DDI2: variants seen among roughly 807,000 people sequenced by gnomAD.
The protein encoded by DDI2 is DDI proteasomal shuttling factor 2, also known as protein DDI1 homolog 2.
Under a neutral mutation model 48.1 loss-of-function variants are expected in DDI2, and 5 were observed. The ratio of observed to expected loss-of-function variants is 0.10; its 90% CI spans 0.05 to 0.22. DDI2 has a LOEUF of 0.22. Ranked by LOEUF, DDI2 falls within the 10% of genes least tolerant of loss-of-function variation. The pLI, the probability that DDI2 is intolerant of heterozygous loss-of-function variation, is 1.00. For synonymous variants in DDI2, 205 were observed against 183.6 expected (o/e 1.12, Z -0.94); for missense variants, 285 against 506.2 (o/e 0.56, Z 4.19).
At chr1:15,624,261 A>G (rs760577056) in intron 1 of DDI2, among the ~76,000 whole-genome samples, 1 of 152,074 alleles carries the variant, frequency 6.6e-6, no homozygotes, top group African/African-American at 2.4e-5. Context: ...CTTGTTGCAC[A>G]CCTCAACCTG....
rs749651325 is a variant in DDI2 at position 15,633,483 on chromosome 1, C to T, written c.550C>T (p.Arg184Trp). 3.7e-6 allele frequency: 6 copies of T among 1,613,638 alleles called. No individual in the cohort carries two copies. Among genetic ancestry groups the T allele is most frequent in the East Asian group, 2.2e-5 (1 of 44,858 alleles). Residue 184 changes from arginine (R) to tryptophan (W), a missense_variant, in exon 4 of 10, where the codon CGG becomes TGG. Transcript: ENST00000480945. Reference sequence around the variant, plus strand: ...GGTGGAGCAGCAGCAGGACCGAGCCCGGAGAGAGCAAGAAAGGATTCGTCT... The same window carrying T: ...GGTGGAGCAGCAGCAGGACCGAGCCTGGAGAGAGCAAGAAAGGATTCGTCT... ...VLVEQQQDRARREQERIRLFS... is the reference protein window; with the variant it reads ...VLVEQQQDRAWREQERIRLFS...
chr1:15,660,213 A>G lies in DDI2; in HGVS notation c.*423A>G. 3 of 1,614,224 alleles carry G rather than the reference A, an allele frequency of 1.9e-6. No homozygotes were observed. Among genetic ancestry groups the G allele is most frequent in the Non-Finnish European group, 2.5e-6 (3 of 1,180,028 alleles). On this transcript the variant is annotated 3_prime_UTR_variant, in exon 10 of 10. Coordinates refer to ENST00000480945, the MANE Select transcript of DDI2 (RefSeq NM_032341.5). ...CAGGTAATCTGGAGAAATCTGCTGA[A>G]AGAAGCACCCAGGGCCTCAAATTTC...
chr1:15,661,358 T>G lies in DDI2; in HGVS notation c.*1568T>G, dbSNP rs751615042. 6.2e-7 allele frequency: 1 copy of G among 1,614,022 alleles called. No individual in the cohort carries two copies. The highest frequency in any genetic ancestry group is 1.3e-5 in the African/African-American group (1 of 74,926). On this transcript the variant is annotated 3_prime_UTR_variant, in exon 10 of 10. Transcript: ENST00000480945. Reference sequence around the variant, plus strand: ...GGTGTAGAAATTTCACCCAAACTTTTAGCAGGTGAGGAGGATGCACTCAAT... The same window carrying G: ...GGTGTAGAAATTTCACCCAAACTTTGAGCAGGTGAGGAGGATGCACTCAAT...
chr1:15,617,885 A>C lies in DDI2; in HGVS notation c.138+77A>C. ...CGGGGCCTCACTCCCTCCCTTTGCT[A>C]CTGGTGAAGAATTGGGGGCTGGGGG... On this transcript the variant is annotated intron_variant, in intron 1 of 9. Transcript: ENST00000480945. 3 of 1,422,570 alleles carry C rather than the reference A, an allele frequency of 2.1e-6. 1 individual carries two copies. The Admixed American group carries it at 7.5e-5, about 36-fold the overall frequency. The allele number at this position is 1,422,570 out of a possible 1,614,324, so 88.1% of individuals were successfully genotyped here. A position where few individuals can be genotyped will look rare whatever the true frequency, so the allele number is the denominator to read the frequency against.
rs1640388382 is a variant in DDI2, at chr1:15,661,822, A to G, written c.*2032A>G. 2.2e-6 allele frequency: 3 copies of G among 1,358,202 alleles called. No homozygotes were observed. The highest frequency in any genetic ancestry group is 2.1e-5 in the South Asian group (1 of 48,452). 84.1% of individuals were successfully genotyped at this position (1,358,202 alleles called of 1,614,324 possible). On this transcript the variant is annotated 3_prime_UTR_variant, in exon 10 of 10. Coordinates refer to ENST00000480945, the MANE Select transcript of DDI2 (RefSeq NM_032341.5). Reference sequence around the variant, plus strand: ...TACACACTCACCACATATACAGTATATATAGAAACCTGCAAGCAGAATGTT... The same window carrying G: ...TACACACTCACCACATATACAGTATGTATAGAAACCTGCAAGCAGAATGTT...
At chr1:15,650,109 TC>T (rs1172790449) in intron 7 of DDI2, among the ~76,000 whole-genome samples, 1 of 152,180 alleles carries the variant, frequency 6.6e-6, no homozygotes, top group African/African-American at 2.4e-5. Flanking sequence ...TCTGGTTAGA[TC>T]CTGATTAGTA....
chr1:15,619,261 C>T (rs1231999617), intron 1 of DDI2, among the ~76,000 whole-genome samples: 1 of 151,806 alleles, frequency 6.6e-6, no homozygotes, highest in Non-Finnish European at 1.5e-5. Flanking sequence ...ACTGGGACTA[C>T]GGGCGCGCGC....
chr1:15,636,259 G>C (rs928119261), intron 4 of DDI2, among the ~76,000 whole-genome samples: 1 of 152,026 alleles, frequency 6.6e-6, no homozygotes, highest in African/African-American at 2.4e-5. Flanking sequence ...CTCCTGAGTA[G>C]CTGGGTCTAT....
At chr1:15,632,617 TATTA>T (rs1161345414) in intron 3 of DDI2, among the ~76,000 whole-genome samples, 3 of 152,232 alleles carry the variant, frequency 2.0e-5, no homozygotes, top group East Asian at 3.8e-4. Context: ...TTTTCCTGCC[TATTA>T]ATTCATCAGA....
intron 1 of DDI2, among the ~76,000 whole-genome samples, chr1:15,621,600 G>A (rs1377022304): frequency 6.6e-6 from 1 of 152,134 alleles, no homozygotes; most frequent in African/African-American, 2.4e-5. Context: ...TGGCCACGCT[G>A]GTCTCAAACT....
rs572047526 is a variant in DDI2 at position 15,668,521 on chromosome 1, T to C, written c.*8731T>C. On this transcript the variant is annotated 3_prime_UTR_variant, in exon 10 of 10. Coordinates refer to ENST00000480945, the MANE Select transcript of DDI2 (RefSeq NM_032341.5). Reference sequence around the variant, plus strand: ...TATTTCAAATCTCTTCATGGCAAGTTGGGCTAATGGACTTTGCACTCAAGA... The same window carrying C: ...TATTTCAAATCTCTTCATGGCAAGTCGGGCTAATGGACTTTGCACTCAAGA... 6.6e-6 allele frequency: 1 copy of C among 152,364 alleles called. No homozygotes were observed. The highest frequency in any genetic ancestry group is 1.9e-4 in the East Asian group (1 of 5,190). 9.4% of individuals were successfully genotyped at this position (152,364 alleles called of 1,614,324 possible). A position where few individuals can be genotyped will look rare whatever the true frequency, so the allele number is the denominator to read the frequency against.
At chr1:15,657,572 C>G (rs1640290148) in intron 9 of DDI2, among the ~76,000 whole-genome samples, 1 of 152,186 alleles carries the variant, frequency 6.6e-6, no homozygotes, top group African/African-American at 2.4e-5. Flanking sequence ...TACAAGAGGA[C>G]TATATGCTAC....
Position 15,626,672 on chromosome 1 carries a change from G to A in DDI2, c.142G>A (p.Val48Ile), listed in dbSNP as rs762325900. Residue 48 changes from valine to isoleucine, a missense_variant, in exon 2 of 10, where the codon GTC (valine) becomes ATC (isoleucine). This residue lies in a region of DDI2 where 149 missense variants were observed against 236.5 expected (regional missense o/e 0.63). Coordinates refer to ENST00000480945, the MANE Select transcript of DDI2 (RefSeq NM_032341.5). ...TGTATATCTTTTCTTGTTGTAGATC[G>A]TCTATGCGGAAAGACCTCTCACAGA... ...SGIPAAESQI[V>I]YAERPLTDNH... 1.4e-5 allele frequency: 22 copies of A among 1,613,702 alleles called. No homozygotes were observed. Among genetic ancestry groups the A allele is most frequent in the South Asian group, 7.7e-5 (7 of 91,062 alleles).
chr1:15,643,166 G>A (rs1409581589), intron 5 of DDI2, among the ~76,000 whole-genome samples: 2 of 152,178 alleles, frequency 1.3e-5, no homozygotes, highest in Non-Finnish European at 2.9e-5. Flanking sequence ...GCCAGGAGGC[G>A]ACGGCTTAGA....
At chr1:15,623,940 TG>T (rs1230310767) in intron 1 of DDI2, among the ~76,000 whole-genome samples, 1 of 151,902 alleles carries the variant, frequency 6.6e-6, no homozygotes, top group Non-Finnish European at 1.5e-5. Flanking sequence ...GGCAGGTGCC[TG>T]TAGTCCCAGC....
At chr1:15,651,620 T>C in intron 7 of DDI2, 86 bp from the exon 8 acceptor site, 1 of 1,305,878 alleles carries the variant, frequency 7.7e-7, no homozygotes, top group Non-Finnish European at 1.0e-6. Context: ...TGCCTGGCCA[T>C]TTGTGATTGG....
At position 15,642,275 on chromosome 1, in the gene DDI2, C is replaced by G. The variant is rs6696286; in HGVS notation, c.761-1247C>G. 2.0e-5 allele frequency among the ~76,000 whole-genome samples: 3 copies of G among 152,020 alleles called. No homozygotes were observed. The South Asian group carries it at 6.2e-4, about 32-fold the overall frequency. The stretch of plus-strand genomic sequence containing the variant: ...CGACTGTCTTCTACATAGGCCAACC[C>G]GCCGTGTACATGTTTCTGGGAGAGA... On this transcript the variant is annotated intron_variant, in intron 5 of 9. Transcript: ENST00000480945.
In DDI2 at chr1:15,660,092, A is replaced by C; in HGVS notation, c.*302A>C. 1.9e-6 allele frequency: 3 copies of C among 1,614,104 alleles called. No homozygotes were observed. The highest frequency in any genetic ancestry group is 2.5e-6 in the Non-Finnish European group (3 of 1,179,998). On this transcript the variant is annotated 3_prime_UTR_variant, in exon 10 of 10. Coordinates refer to ENST00000480945, the MANE Select transcript of DDI2 (RefSeq NM_032341.5). ...GAAAAGAAAGAACATCTTTCTTTACAAGATCTTTCTGATCATGCTTCCTCA... is the reference window on the plus strand; with the variant it reads ...GAAAAGAAAGAACATCTTTCTTTACCAGATCTTTCTGATCATGCTTCCTCA...
intron 2 of DDI2, among the ~76,000 whole-genome samples, chr1:15,629,827 G>A (rs1639815438): frequency 6.6e-6 from 1 of 151,356 alleles, no homozygotes; most frequent in Non-Finnish European, 1.5e-5. Flanking sequence ...CACCTCCCGG[G>A]TTCAGGTGAT....
Sources: gnomAD v4.1 joint callset for allele counts (sites outside exome capture counted in the v4.1 genomes callset) on GRCh38, gnomAD v4.1.1 for gene constraint, gnomAD v4.1.1 regional missense constraint, MANE v1.5 for transcripts, NCBI Gene and HGNC (gene_info 2026-07-23, HGNC 2026-07-21) for gene names.